Variants in AGO2 observed in about 807,000 individuals in gnomAD.
AGO2 encodes the protein protein argonaute-2.
AGO2 carries 5 observed loss-of-function variants against 102.3 expected under a neutral mutation model. That is an observed-to-expected ratio of 0.05 (90% CI 0.03 to 0.10). AGO2 has a LOEUF of 0.10. Among genes scored for constraint, AGO2 ranks in the 10% least tolerant of loss-of-function variants. The pLI, the probability that AGO2 is intolerant of heterozygous loss-of-function variation, is 1.00. For missense variants in AGO2, 541 were observed against 1,183.7 expected, an observed-to-expected ratio of 0.46 and a Z score of 7.97; for synonymous variants, 449 against 473.1, an observed-to-expected ratio of 0.95 and a Z score of 0.66.
intron 10 of AGO2, 134 bp downstream of exon 10, chr8:140,555,762 G>T: frequency 7.8e-7 from 1 of 1,290,282 alleles, no homozygotes; most frequent in Non-Finnish European, 1.0e-6. Context: ...TCTTTTACAG[G>T]CTCAGCCGGG....
At chr8:140,599,435 A>G (rs2073898103) in intron 1 of AGO2, among the ~76,000 whole-genome samples, 1 of 152,220 alleles carries the variant, frequency 6.6e-6, no homozygotes, top group African/African-American at 2.4e-5. Flanking sequence ...TGTGATGATG[A>G]AGACGAAGCC....
At position 140,521,514 on chromosome 8, in the gene AGO2, G is replaced by A. The variant is rs1186816994; in HGVS notation, c.*10530C>T. The A allele has an allele frequency of 6.6e-6, 1 of 152,146 alleles. No homozygotes were observed. The highest frequency in any genetic ancestry group is 1.5e-5 in the Non-Finnish European group (1 of 68,014). The allele number at this position is 152,146 out of a possible 1,614,324, so 9.4% of individuals were successfully genotyped here. A position where few individuals can be genotyped will look rare whatever the true frequency, so the allele number is the denominator to read the frequency against. ...TATTGGTATAAAATCAAATTCTTAA[G>A]ACTCCAAAATATTGTTACCTCCAAA... On this transcript the variant is annotated 3_prime_UTR_variant, in exon 19 of 19. Transcript: ENST00000220592.
chr8:140,551,257 T>A (rs757866248), intron 11 of AGO2, 46 bp downstream of exon 11: 2 of 1,448,648 alleles, frequency 1.4e-6, no homozygotes, highest in East Asian at 5.0e-5. Context: ...GAGCTGCCCA[T>A]CGGGCAGCAC....
At chr8:140,534,013 T>C (rs1347185650) in intron 17 of AGO2, among the ~76,000 whole-genome samples, 1 of 152,164 alleles carries the variant, frequency 6.6e-6, no homozygotes, top group Non-Finnish European at 1.5e-5. Flanking sequence ...TCGCAGGCCC[T>C]TCTGACAACA....
chr8:140,606,978 G>C (rs11778515), intron 1 of AGO2, among the ~76,000 whole-genome samples: 1 of 151,210 alleles, frequency 6.6e-6, no homozygotes, highest in Non-Finnish European at 1.5e-5. Context: ...GGCCAGGCAT[G>C]GTGGCTCACG....
At chr8:140,564,018 C>T (rs535081106) in intron 3 of AGO2, among the ~76,000 whole-genome samples, 9 of 152,120 alleles carry the variant, frequency 5.9e-5, no homozygotes, top group Non-Finnish European at 8.8e-5. Context: ...CAGACGCCCA[C>T]GAGCCCTCAG....
chr8:140,629,817 A>G (rs1200295155), intron 1 of AGO2, among the ~76,000 whole-genome samples: 1 of 146,548 alleles, frequency 6.8e-6, no homozygotes, highest in Non-Finnish European at 1.5e-5. Flanking sequence ...AGCCTGGGCC[A>G]TGAGAGTGAG....
intron 2 of AGO2, among the ~76,000 whole-genome samples, chr8:140,579,504 G>A (rs1004540214): frequency 1.3e-5 from 2 of 152,108 alleles, no homozygotes; most frequent in African/African-American, 4.8e-5. Context: ...ATGTGCCTTA[G>A]TGTTACCACC....
chr8:140,585,449 G>T (rs1261369362), intron 1 of AGO2, 138 bp from the exon 2 acceptor site: 1 of 925,358 alleles, frequency 1.1e-6, no homozygotes, highest in African/African-American at 1.7e-5. Flanking sequence ...ATTCCACAGA[G>T]GAGGCGTCTC....
chr8:140,635,750 G>A (rs1173014891), upstream of AGO2: 1 of 143,236 alleles, frequency 7.0e-6, no homozygotes, highest in Admixed American at 6.9e-5. Context: ...GCGGGAGCGC[G>A]CTCGCGGGGG....
At chr8:140,595,841 ATATAT>A (rs1564106877) in intron 1 of AGO2, among the ~76,000 whole-genome samples, 15 of 111,886 alleles carry the variant, frequency 1.3e-4, no homozygotes, top group South Asian at 7.1e-4. Context: ...ATACAATTGT[ATATAT>A]TATATTTATA....
In AGO2 at chr8:140,586,245, C is replaced by A. The variant is rs368162051; in HGVS notation, c.23-934G>T. ...CAGTGGCTCACACCTATAATCCCAG[C>A]ACTTTGGGAGGCTGAGGCGGGTAGA... is the stretch of plus-strand genomic sequence containing the variant. On this transcript the variant is annotated intron_variant, in intron 1 of 18. Transcript: ENST00000220592. Among the ~76,000 whole-genome samples the A allele has an allele frequency of 4.6e-4, 70 of 152,352 alleles. No individual in the cohort carries two copies. In the East Asian group the frequency reaches 0.01, roughly 22 times the overall value.
At chr8:140,579,929 T>C (rs2073528986) in intron 2 of AGO2, among the ~76,000 whole-genome samples, 1 of 152,196 alleles carries the variant, frequency 6.6e-6, no homozygotes, top group Non-Finnish European at 1.5e-5. Context: ...GGCCATCGCA[T>C]CTGCTGGTTC....
rs553060031 is a variant in AGO2, at chr8:140,561,160, C to T, written c.519-650G>A. On this transcript the variant is annotated intron_variant, in intron 4 of 18. Coordinates refer to ENST00000220592, the MANE Select transcript of AGO2 (RefSeq NM_012154.5). ...CCCGGCTGGAGCTACTCGACTGAAG[C>T]AGACGCATTCTCCAGCACAGCAGCC... 8.4e-4 allele frequency among the ~76,000 whole-genome samples: 128 copies of T among 152,378 alleles called. 1 individual carries two copies. Among genetic ancestry groups the T allele is most frequent in the Middle Eastern group, 6.8e-3 (2 of 294 alleles).
At chr8:140,583,668 G>A (rs960331759) in intron 2 of AGO2, among the ~76,000 whole-genome samples, 4 of 152,226 alleles carry the variant, frequency 2.6e-5, no homozygotes, top group African/African-American at 9.6e-5. Flanking sequence ...GAGGTCAGGA[G>A]TTCAAGAGTA....
chr8:140,531,890 A>G lies in AGO2; in HGVS notation c.*154T>C. 1 of 664,540 alleles carries G rather than the reference A, an allele frequency of 1.5e-6. No individual in the cohort carries two copies. Among genetic ancestry groups the G allele is most frequent in the Non-Finnish European group, 2.6e-6 (1 of 385,748 alleles). The allele number at this position is 664,540 out of a possible 1,614,324, so 41.2% of individuals were successfully genotyped here. On this transcript the variant is annotated 3_prime_UTR_variant, in exon 19 of 19. Transcript: ENST00000220592. Reference sequence around the variant, plus strand: ...TCAAAATCCAAGTTTGAAATCTGGGACGGAAGGCATTCTGGAAAACGGAGA... The same window carrying G: ...TCAAAATCCAAGTTTGAAATCTGGGGCGGAAGGCATTCTGGAAAACGGAGA...
chr8:140,549,211 C>G lies in AGO2; in HGVS notation c.1491G>C (p.Gly497=). The G allele has an allele frequency of 6.2e-7, 1 of 1,613,720 alleles. No homozygotes were observed. Among genetic ancestry groups the G allele is most frequent in the African/African-American group, 1.3e-5 (1 of 75,064 alleles). The part of the protein sequence containing the change: ...GQPCFCKYAQ[G]ADSVEPMFRH... Reference sequence around the variant, plus strand: ...GGAACATGGGCTCCACGCTGTCCGCCCCCTGCGCGTATTTGCAGAAGCACG... The same window carrying G: ...GGAACATGGGCTCCACGCTGTCCGCGCCCTGCGCGTATTTGCAGAAGCACG... Residue 497 remains glycine (G), a synonymous_variant, in exon 12 of 19, where the codon GGG becomes GGC. Coordinates refer to ENST00000220592, the MANE Select transcript of AGO2 (RefSeq NM_012154.5).
At chr8:140,556,424 A>G in intron 8 of AGO2, 138 bp from the exon 9 acceptor site, 1 of 1,132,954 alleles carries the variant, frequency 8.8e-7, no homozygotes, top group East Asian at 2.5e-5. Context: ...AGTGCTGTGC[A>G]GGTGTCTGCT....
chr8:140,621,280 AC>A (rs1305672451), intron 1 of AGO2, among the ~76,000 whole-genome samples: 2 of 152,154 alleles, frequency 1.3e-5, no homozygotes, highest in African/African-American at 4.8e-5. Context: ...AGTCCCCGAC[AC>A]CCCATGCTCC....
Sources: gnomAD v4.1 joint callset for allele counts (sites outside exome capture counted in the v4.1 genomes callset) on GRCh38, gnomAD v4.1.1 for gene constraint, MANE v1.5 for transcripts, NCBI Gene and HGNC (gene_info 2026-07-23, HGNC 2026-07-21) for gene names.